CAP2: variants seen among roughly 807,000 people sequenced by gnomAD.
The protein encoded by CAP2 is adenylyl cyclase-associated protein 2.
A neutral mutation model predicts 57.7 loss-of-function variants in CAP2; 24 were observed. The observed-to-expected ratio is 0.42, with a 90% CI of 0.30 to 0.58. The LOEUF is 0.58. Among genes scored for constraint, CAP2 ranks in the 20% least tolerant of loss-of-function variants. The pLI is 0.22. For missense variants in CAP2, 501 were observed against 590.3 expected, an observed-to-expected ratio of 0.85 and a Z score of 1.57; for synonymous variants, 194 against 207.2, an observed-to-expected ratio of 0.94 and a Z score of 0.55.
chr6:17,537,954 C>A (rs571658067), intron 7 of CAP2, among the ~76,000 whole-genome samples: 2 of 152,164 alleles, frequency 1.3e-5, no homozygotes, highest in Non-Finnish European at 2.9e-5. Context: ...TTAATCCCAG[C>A]TACTCAACAG....
At chr6:17,499,398 C>CAAAAA (rs71002217) in intron 4 of CAP2, among the ~76,000 whole-genome samples, 23 of 69,564 alleles carry the variant, frequency 3.3e-4, no homozygotes, top group African/African-American at 1.1e-3. Context: ...GACTCCATCT[C>CAAAAA]AAAAAAAAAA....
intron 7 of CAP2, among the ~76,000 whole-genome samples, chr6:17,525,919 G>A (rs545443671): frequency 6.6e-6 from 1 of 152,246 alleles, no homozygotes; most frequent in East Asian, 1.9e-4. Context: ...ATTGAATGCA[G>A]GCTCCATTTC....
At chr6:17,554,911 A>G (rs112283529) in intron 12 of CAP2, among the ~76,000 whole-genome samples, 59 of 152,274 alleles carry the variant, frequency 3.9e-4, no homozygotes, top group African/African-American at 1.2e-3. Context: ...TATTTTGACT[A>G]TTCTCTATTA....
intron 3 of CAP2, among the ~76,000 whole-genome samples, chr6:17,460,571 T>C (rs1760691137): frequency 6.6e-6 from 1 of 152,210 alleles, no homozygotes; most frequent in Admixed American, 6.5e-5. Context: ...GTCAATACTA[T>C]CTAGAATTAT....
chr6:17,530,312 C>T (rs1762611288), intron 7 of CAP2, among the ~76,000 whole-genome samples: 1 of 152,088 alleles, frequency 6.6e-6, no homozygotes, highest in Non-Finnish European at 1.5e-5. Context: ...AACTCCTGAG[C>T]TCAAGTGGCC....
chr6:17,549,874 T>C (rs1026709409), intron 11 of CAP2, among the ~76,000 whole-genome samples: 1 of 152,240 alleles, frequency 6.6e-6, no homozygotes, highest in African/African-American at 2.4e-5. Context: ...GTCACATTCA[T>C]AGTCTGTGAC....
intron 4 of CAP2, among the ~76,000 whole-genome samples, chr6:17,466,462 C>T (rs1489156447): frequency 6.6e-6 from 1 of 152,230 alleles, no homozygotes; most frequent in African/African-American, 2.4e-5. Context: ...GGATCCTGTG[C>T]TGTATGGATG....
intron 1 of CAP2, among the ~76,000 whole-genome samples, chr6:17,414,474 A>C (rs558977663): frequency 1.3e-5 from 2 of 152,132 alleles, no homozygotes; most frequent in East Asian, 3.9e-4. Context: ...CTCAATGTTC[A>C]GCCCCTACCT....
intron 3 of CAP2, among the ~76,000 whole-genome samples, chr6:17,448,826 A>G (rs1370150018): frequency 6.6e-6 from 1 of 151,338 alleles, no homozygotes; most frequent in East Asian, 1.9e-4. Flanking sequence ...CAGGGGTGCG[A>G]TCTCAGCTCA....
intron 2 of CAP2, among the ~76,000 whole-genome samples, chr6:17,425,015 C>G (rs1275218031): frequency 6.6e-6 from 1 of 152,198 alleles, no homozygotes; most frequent in African/African-American, 2.4e-5. Flanking sequence ...TAAGATAACT[C>G]AGCTTCAACG....
At chr6:17,544,145 A>G (rs1308117028) in intron 11 of CAP2, among the ~76,000 whole-genome samples, 1 of 151,420 alleles carries the variant, frequency 6.6e-6, no homozygotes, top group East Asian at 1.9e-4. Context: ...AAAGAAAAGA[A>G]AAAAAGGACA....
intron 4 of CAP2, among the ~76,000 whole-genome samples, chr6:17,506,500 C>T (rs1336686657): frequency 6.6e-6 from 1 of 151,950 alleles, no homozygotes; most frequent in Non-Finnish European, 1.5e-5. Flanking sequence ...ATTATCTGGG[C>T]GTGGTGGCAG....
intron 4 of CAP2, among the ~76,000 whole-genome samples, chr6:17,468,695 A>G (rs1478554326): frequency 6.6e-6 from 1 of 152,220 alleles, no homozygotes; most frequent in Non-Finnish European, 1.5e-5. Context: ...TGTCAAGCCC[A>G]TCCTCTTCCA....
Position 17,514,843 on chromosome 6 carries a change from G to A in CAP2, c.636+889G>A, listed in dbSNP as rs550176237. On this transcript the variant is annotated intron_variant, in intron 7 of 12. Coordinates refer to ENST00000229922, the MANE Select transcript of CAP2 (RefSeq NM_006366.3). ...CTACAGCCATTAAAATGCTTTACCAGTTAATGTTAAGTGATAAAGTCAATT... is the reference window on the plus strand; with the variant it reads ...CTACAGCCATTAAAATGCTTTACCAATTAATGTTAAGTGATAAAGTCAATT... 4.9e-4 allele frequency among the ~76,000 whole-genome samples: 75 copies of A among 152,288 alleles called. 1 individual carries two copies. Among genetic ancestry groups the A allele is most frequent in the African/African-American group, 1.8e-3 (73 of 41,574 alleles).
At chr6:17,493,694 G>T (rs763294826) in intron 4 of CAP2, 1 of 150,916 alleles carries the variant, frequency 6.6e-6, no homozygotes, top group African/African-American at 2.4e-5. Flanking sequence ...ATGTGTACTG[G>T]ATTGAAAATG....
chr6:17,397,731 T>A (rs1165734717), intron 1 of CAP2, among the ~76,000 whole-genome samples: 1 of 151,430 alleles, frequency 6.6e-6, no homozygotes. Context: ...TTACCCACGT[T>A]GTTGCATGTA....
chr6:17,494,965 G>A (rs948804342), intron 4 of CAP2, among the ~76,000 whole-genome samples: 2 of 152,126 alleles, frequency 1.3e-5, no homozygotes, highest in African/African-American at 4.8e-5. Context: ...CTTTGGACTC[G>A]AATTGAAAGA....
chr6:17,511,817 C>T (rs1762161553), intron 6 of CAP2, among the ~76,000 whole-genome samples: 1 of 152,086 alleles, frequency 6.6e-6, no homozygotes, highest in African/African-American at 2.4e-5. Context: ...TGTGGTCTCT[C>T]TGAGTCATAA....
intron 7 of CAP2, among the ~76,000 whole-genome samples, chr6:17,529,874 A>G (rs1278790885): frequency 1.3e-5 from 2 of 151,652 alleles, no homozygotes; most frequent in Non-Finnish European, 2.9e-5. Flanking sequence ...GGAAAAATTG[A>G]TAAAGAGTAT....
Sources: allele counts gnomAD v4.1 joint callset (sites outside exome capture counted in the v4.1 genomes callset), GRCh38; gene constraint gnomAD v4.1.1; transcripts MANE v1.5; gene names NCBI Gene and HGNC (gene_info 2026-07-23, HGNC 2026-07-21).